The following MSRA variants were observed in gnomAD, a reference collection of about 807,000 sequenced individuals.
MSRA encodes the protein methionine sulfoxide reductase A, also known as mitochondrial peptide methionine sulfoxide reductase.
MSRA carries 54 observed loss-of-function variants against 31.3 expected under a neutral mutation model. The ratio of observed to expected loss-of-function variants is 1.73; its 90% CI spans 1.39 to 2.17. The LOEUF (loss-of-function observed/expected upper bound fraction) is 2.17. Among genes scored for constraint, MSRA ranks in the 30% most tolerant of loss-of-function variants. The probability of loss-of-function intolerance (pLI) is 0.00; values close to 1 mark genes in which losing one functional copy is unlikely to be tolerated. For synonymous variants in MSRA, 169 were observed against 116.5 expected, an observed-to-expected ratio of 1.45 and a Z score of -2.90; for missense variants, 507 against 300.9, an observed-to-expected ratio of 1.69 and a Z score of -5.07.
In MSRA at chr8:10,198,826, G is replaced by A. The variant is rs571645336; in HGVS notation, c.143-9007G>A. Among the ~76,000 whole-genome samples, 319 of 152,214 alleles carry A rather than the reference G, an allele frequency of 2.1e-3. 1 individual carries two copies. The highest frequency in any genetic ancestry group is 7.4e-3 in the African/African-American group (309 of 41,526). On this transcript the variant is annotated intron_variant, in intron 1 of 5. Transcript: ENST00000317173. ...TATTTTTTGTAGCAATGGGAGTCTC[G>A]CTATGTTGCCCAGGTTGGCTTTTGG...
intron 2 of MSRA, among the ~76,000 whole-genome samples, chr8:10,238,146 C>T (rs941992099): frequency 1.8e-4 from 27 of 152,168 alleles, no homozygotes; most frequent in African/African-American, 6.3e-4. Flanking sequence ...CCTTCCTGCC[C>T]CTTAGAAATA....
At chr8:10,189,391 A>G (rs1322784399) in intron 1 of MSRA, among the ~76,000 whole-genome samples, 1 of 152,180 alleles carries the variant, frequency 6.6e-6, no homozygotes, top group African/African-American at 2.4e-5. Context: ...GTCAAATAGA[A>G]GTAGAGTGAG....
chr8:10,282,648 T>G (rs933401790), intron 3 of MSRA, among the ~76,000 whole-genome samples: 1 of 152,224 alleles, frequency 6.6e-6, no homozygotes, highest in Non-Finnish European at 1.5e-5. Flanking sequence ...GGTGGCGATA[T>G]GAGCTGAGCA....
chr8:10,251,893 C>G (rs1797938164), intron 3 of MSRA, among the ~76,000 whole-genome samples: 2 of 151,038 alleles, frequency 1.3e-5, no homozygotes, highest in African/African-American at 4.9e-5. Flanking sequence ...ATGGGGACGT[C>G]AAGGCATTTG....
intron 5 of MSRA, among the ~76,000 whole-genome samples, chr8:10,421,222 G>T (rs1468740280): frequency 6.6e-6 from 1 of 152,150 alleles, no homozygotes; most frequent in East Asian, 1.9e-4. Context: ...TTCAGGGCTG[G>T]CCTCGGCTGC....
intron 5 of MSRA, chr8:10,336,905 G>A (rs892087584): frequency 2.6e-4 from 39 of 152,206 alleles, no homozygotes; most frequent in African/African-American, 8.7e-4. Context: ...TACAAAGACA[G>A]GCATAGAAAT....
At chr8:10,194,587 A>C (rs532411306) in intron 1 of MSRA, among the ~76,000 whole-genome samples, 16 of 152,160 alleles carry the variant, frequency 1.1e-4, no homozygotes, top group Non-Finnish European at 1.8e-4. Flanking sequence ...CAATTAACAT[A>C]TTACTCTGGG....
intron 1 of MSRA, among the ~76,000 whole-genome samples, chr8:10,062,245 C>T (rs1797240186): frequency 6.6e-6 from 1 of 152,216 alleles, no homozygotes; most frequent in African/African-American, 2.4e-5. Flanking sequence ...GCAGCAGCAG[C>T]TGGCTGGCCC....
chr8:10,132,569 T>C (rs1371532862), intron 1 of MSRA, among the ~76,000 whole-genome samples: 1 of 152,202 alleles, frequency 6.6e-6, no homozygotes, highest in African/African-American at 2.4e-5. Context: ...TGATGAGGGC[T>C]CTGCTTCCTG....
At chr8:10,312,981 A>G (rs1405394507) in intron 4 of MSRA, among the ~76,000 whole-genome samples, 1 of 152,232 alleles carries the variant, frequency 6.6e-6, no homozygotes. Context: ...TGCAATTTCT[A>G]ATCAGCATTG....
chr8:10,343,040 C>G (rs781596670), intron 5 of MSRA, among the ~76,000 whole-genome samples: 3 of 108,288 alleles, frequency 2.8e-5, no homozygotes, highest in Admixed American at 1.3e-4. Context: ...CACACACACA[C>G]ACACACACAC....
chr8:10,315,926 A>G (rs907963516), intron 4 of MSRA, among the ~76,000 whole-genome samples: 5 of 152,260 alleles, frequency 3.3e-5, no homozygotes, highest in African/African-American at 1.2e-4. Flanking sequence ...AATTCACACT[A>G]TGATAACTTT....
chr8:10,067,719 C>A (rs1382731922), intron 1 of MSRA, among the ~76,000 whole-genome samples: 1 of 152,126 alleles, frequency 6.6e-6, no homozygotes, highest in Non-Finnish European at 1.5e-5. Flanking sequence ...ATTCCACAGA[C>A]ATTTAGTGGG....
At chr8:10,076,570 C>T (rs963033183) in intron 1 of MSRA, among the ~76,000 whole-genome samples, 2 of 152,180 alleles carry the variant, frequency 1.3e-5, no homozygotes, top group African/African-American at 2.4e-5. Flanking sequence ...CCATTCCCAT[C>T]GCTTCTTGCA....
At chr8:10,134,091 C>G (rs1279788568) in intron 1 of MSRA, among the ~76,000 whole-genome samples, 3 of 152,154 alleles carry the variant, frequency 2.0e-5, no homozygotes, top group South Asian at 2.1e-4. Context: ...CTCAGCCTTC[C>G]AAAGTGCTGG....
At chr8:10,120,551 T>C (rs1464989418) in intron 1 of MSRA, among the ~76,000 whole-genome samples, 1 of 152,218 alleles carries the variant, frequency 6.6e-6, no homozygotes, top group African/African-American at 2.4e-5. Context: ...TTACCTCACG[T>C]CAATTCAGTT....
chr8:10,293,254 T>C (rs932276924), intron 3 of MSRA, among the ~76,000 whole-genome samples: 4 of 152,170 alleles, frequency 2.6e-5, no homozygotes, highest in Admixed American at 6.5e-5. Context: ...ATGGGCCAGC[T>C]AAGCAGCTCC....
At chr8:10,205,379 A>T (rs562320378) in intron 1 of MSRA, among the ~76,000 whole-genome samples, 4 of 152,152 alleles carry the variant, frequency 2.6e-5, no homozygotes, top group African/African-American at 9.6e-5. Flanking sequence ...GTGGGGAGTG[A>T]AGGAAGAGAA....
chr8:10,323,773 T>TGTGC (rs1554526786), intron 5 of MSRA, among the ~76,000 whole-genome samples: 1 of 151,092 alleles, frequency 6.6e-6, no homozygotes, highest in Non-Finnish European at 1.5e-5. Context: ...TGTGTGTGTG[T>TGTGC]GTCTGTGTCT....
Sources: allele counts gnomAD v4.1 joint callset (sites outside exome capture counted in the v4.1 genomes callset), GRCh38; gene constraint gnomAD v4.1.1; transcripts MANE v1.5; gene names NCBI Gene and HGNC (gene_info 2026-07-23, HGNC 2026-07-21).